The following TBC1D8 variants were observed in gnomAD, a reference collection of about 807,000 sequenced individuals.
TBC1D8 encodes TBC1 domain family member 8.
Under a neutral mutation model 118.8 loss-of-function variants are expected in TBC1D8, and 65 were observed. The ratio of observed to expected loss-of-function variants is 0.55; its 90% CI spans 0.45 to 0.67. The LOEUF is 0.67. Among genes scored for constraint, TBC1D8 ranks in the 30% least tolerant of loss-of-function variants. TBC1D8 has a pLI of 0.00. For synonymous variants in TBC1D8, 566 were observed against 595.8 expected (o/e 0.95, Z 0.73); for missense variants, 1,376 against 1,471.2 (o/e 0.94, Z 1.06).
intron 1 of TBC1D8, among the ~76,000 whole-genome samples, chr2:101,122,071 C>CTTTTTT (rs544230458): frequency 1.5e-5 from 2 of 131,068 alleles, no homozygotes; most frequent in Non-Finnish European, 1.6e-5. Flanking sequence ...ATTTCTTTTT[C>CTTTTTT]TTTTTTTTTT....
At chr2:101,076,351 G>A (rs1187413597) in intron 2 of TBC1D8, among the ~76,000 whole-genome samples, 2 of 152,240 alleles carry the variant, frequency 1.3e-5, no homozygotes, top group African/African-American at 4.8e-5. Context: ...AGAATGCAAT[G>A]GAAGCTGTCA....
chr2:101,087,564 A>G (rs1675721894), intron 2 of TBC1D8, among the ~76,000 whole-genome samples: 1 of 150,478 alleles, frequency 6.6e-6, no homozygotes, highest in Non-Finnish European at 1.5e-5. Context: ...AATCACTTGA[A>G]CCCAAGAGGT....
chr2:101,050,436 G>T lies in TBC1D8; in HGVS notation c.837C>A (p.Asp279Glu). 1 of 1,613,712 alleles carries T rather than the reference G, an allele frequency of 6.2e-7. No homozygotes were observed. Among genetic ancestry groups the T allele is most frequent in the Non-Finnish European group, 8.5e-7 (1 of 1,179,902 alleles). Residue 279 changes from aspartate to glutamate, a missense_variant, in exon 5 of 20, where the codon GAC (aspartate) becomes GAA (glutamate). Physicochemically the swap from Asp to Glu is conservative, Grantham distance 45 (BLOSUM62 2). Transcript: ENST00000409318. ...RLLDNEVFDL[D>E]PDLQEPSQIT... ...TCTGGCTCGGCTCCTGCAGATCGGG[G>T]TCGAGGTCAAAGACCTCATTATCCA...
At chr2:101,080,188 T>C (rs1269494526) in intron 2 of TBC1D8, among the ~76,000 whole-genome samples, 1 of 152,084 alleles carries the variant, frequency 6.6e-6, no homozygotes, top group Non-Finnish European at 1.5e-5. Context: ...CTGGTGACAG[T>C]AACTCCATAA....
At chr2:101,086,544 A>C (rs1675641617) in intron 2 of TBC1D8, among the ~76,000 whole-genome samples, 1 of 151,812 alleles carries the variant, frequency 6.6e-6, no homozygotes, top group Admixed American at 6.6e-5. Flanking sequence ...TTGTGTGCAC[A>C]AAAAAAACTC....
chr2:101,135,209 G>A (rs1488025820), intron 1 of TBC1D8, among the ~76,000 whole-genome samples: 7 of 152,180 alleles, frequency 4.6e-5, no homozygotes, highest in Admixed American at 1.3e-4. Context: ...AGAAAAAGCC[G>A]TTTTTACAGT....
intron 17 of TBC1D8, among the ~76,000 whole-genome samples, chr2:101,020,775 G>A (rs13398805): frequency 0.18 from 28,003 of 152,044 alleles, 2,772 homozygotes; most frequent in Middle Eastern, 0.32. Flanking sequence ...GTAATATTTT[G>A]AAATCTTGCA....
intron 1 of TBC1D8, among the ~76,000 whole-genome samples, chr2:101,097,616 A>G (rs1340498969): frequency 6.6e-6 from 1 of 152,110 alleles, no homozygotes; most frequent in African/African-American, 2.4e-5. Flanking sequence ...CTGTAATCCC[A>G]GCACTTTGGG....
intron 2 of TBC1D8, among the ~76,000 whole-genome samples, chr2:101,069,951 T>C (rs1683221857): frequency 6.6e-6 from 1 of 151,764 alleles, no homozygotes; most frequent in Non-Finnish European, 1.5e-5. Flanking sequence ...ATTTTGCTCT[T>C]GTTGCCCAGG....
intron 17 of TBC1D8, among the ~76,000 whole-genome samples, chr2:101,015,824 A>G (rs1046594696): frequency 6.6e-6 from 1 of 152,236 alleles, no homozygotes; most frequent in Non-Finnish European, 1.5e-5. Flanking sequence ...CAATGGGGAA[A>G]GGATTCCCTA....
intron 2 of TBC1D8, chr2:101,068,697 C>T (rs1573972625): frequency 5.6e-6 from 2 of 354,466 alleles, no homozygotes; most frequent in East Asian, 1.3e-4. Context: ...TCTGCCTTAT[C>T]TACTATTTAA....
intron 1 of TBC1D8, chr2:101,110,004 G>A: frequency 2.0e-6 from 2 of 985,434 alleles, no homozygotes; most frequent in Non-Finnish European, 2.4e-6. Context: ...GGCGCTACAG[G>A]AAAATCCTCC....
chr2:101,121,894 T>C (rs1355269004), intron 1 of TBC1D8, among the ~76,000 whole-genome samples: 1 of 151,788 alleles, frequency 6.6e-6, no homozygotes, highest in Non-Finnish European at 1.5e-5. Flanking sequence ...GGTGAAACCC[T>C]GTCTCTACTA....
chr2:101,091,004 C>T (rs1211850368), intron 1 of TBC1D8, among the ~76,000 whole-genome samples: 1 of 152,132 alleles, frequency 6.6e-6, no homozygotes, highest in African/African-American at 2.4e-5. Context: ...GAAAACCGGC[C>T]AGGAGTGGTG....
intron 1 of TBC1D8, among the ~76,000 whole-genome samples, chr2:101,143,296 C>T (rs915043404): frequency 6.6e-6 from 1 of 151,966 alleles, no homozygotes; most frequent in African/African-American, 2.4e-5. Context: ...CTGCTGACCT[C>T]GTGATCTGCC....
intron 1 of TBC1D8, among the ~76,000 whole-genome samples, chr2:101,131,368 C>T (rs1000983598): frequency 3.3e-5 from 5 of 151,976 alleles, no homozygotes; most frequent in African/African-American, 7.3e-5. Context: ...CAACATTAGC[C>T]GGGCATGGTG....
chr2:101,109,583 T>TC (rs1677454635), intron 1 of TBC1D8, among the ~76,000 whole-genome samples: 1 of 152,126 alleles, frequency 6.6e-6, no homozygotes, highest in Non-Finnish European at 1.5e-5. Context: ...AAGGAGGCCT[T>TC]TGGGCAATAC....
At chr2:101,061,016 C>G (rs1051383993) in intron 2 of TBC1D8, among the ~76,000 whole-genome samples, 30 of 151,908 alleles carry the variant, frequency 2.0e-4, no homozygotes, top group African/African-American at 6.5e-4. Context: ...GATAAAACTC[C>G]ATCTCTACTA....
At chr2:101,079,410 G>A (rs530903257) in intron 2 of TBC1D8, among the ~76,000 whole-genome samples, 4 of 152,086 alleles carry the variant, frequency 2.6e-5, no homozygotes, top group African/African-American at 7.2e-5. Context: ...TTAAAGACAC[G>A]GTTTCATCTG....
Sources: allele counts gnomAD v4.1 joint callset (sites outside exome capture counted in the v4.1 genomes callset), GRCh38; gene constraint gnomAD v4.1.1; transcripts MANE v1.5; gene names NCBI Gene and HGNC (gene_info 2026-07-23, HGNC 2026-07-21).